TCEANC2: variants seen among roughly 807,000 people sequenced by gnomAD.
The protein encoded by TCEANC2 is transcription elongation factor A N-terminal and central domain-containing protein 2.
A neutral mutation model predicts 22.8 loss-of-function variants in TCEANC2; 20 were observed. The observed-to-expected ratio is 0.88, with a 90% CI of 0.62 to 1.28. TCEANC2 has a LOEUF of 1.28. TCEANC2 is among the 50% of genes most tolerant of loss of function. The probability of loss-of-function intolerance (pLI) is 0.00; values close to 1 mark genes in which losing one functional copy is unlikely to be tolerated. For missense variants in TCEANC2, 251 were observed against 249.7 expected (o/e 1.01, Z -0.03); for synonymous variants, 84 against 95.5 (o/e 0.88, Z 0.70).
rs899685836 is a variant in TCEANC2, at chr1:54,099,409, C to G, written c.*2936C>G. The G allele has an allele frequency of 6.6e-6, 1 of 152,166 alleles. No homozygotes were observed. The allele number at this position is 152,166 out of a possible 1,614,324, so 9.4% of individuals were successfully genotyped here. ...TGCAGACATCCCTCCCAATCTTGCC[C>G]ACACACTGAGAAGTAACTCGGAGCT... On this transcript the variant is annotated 3_prime_UTR_variant, in exon 5 of 5. Coordinates refer to ENST00000234827, the MANE Select transcript of TCEANC2 (RefSeq NM_153035.3).
intron 4 of TCEANC2, among the ~76,000 whole-genome samples, chr1:54,089,272 G>C (rs143585195): frequency 3.7e-4 from 56 of 152,266 alleles, no homozygotes; most frequent in African/African-American, 1.3e-3. Flanking sequence ...TCTTGCTGAA[G>C]TAAAAATTCT....
chr1:54,085,574 T>G (rs1336911510), intron 3 of TCEANC2, among the ~76,000 whole-genome samples: 2 of 152,206 alleles, frequency 1.3e-5, no homozygotes, highest in African/African-American at 4.8e-5. Context: ...ATCTTAGATC[T>G]TAGATATGAG....
intron 3 of TCEANC2, among the ~76,000 whole-genome samples, chr1:54,085,098 T>C (rs1384356539): frequency 6.6e-6 from 1 of 152,210 alleles, no homozygotes; most frequent in Non-Finnish European, 1.5e-5. Flanking sequence ...ATAGAAAGGC[T>C]AGGTACAAAT....
chr1:54,094,201 C>G (rs1364792664), intron 4 of TCEANC2, among the ~76,000 whole-genome samples: 1 of 152,190 alleles, frequency 6.6e-6, no homozygotes, highest in Non-Finnish European at 1.5e-5. Flanking sequence ...TTCACTCTCT[C>G]TCTCTTTCTT....
downstream of TCEANC2, among the ~76,000 whole-genome samples, chr1:54,110,515 G>A (rs551055793): frequency 1.3e-5 from 2 of 152,030 alleles, no homozygotes; most frequent in African/African-American, 4.8e-5. Context: ...GAAGTGGGAG[G>A]ATTGCCTGAG....
intron 3 of TCEANC2, among the ~76,000 whole-genome samples, chr1:54,081,837 C>T (rs1453434945): frequency 6.6e-6 from 1 of 152,182 alleles, no homozygotes; most frequent in Non-Finnish European, 1.5e-5. Flanking sequence ...GAGGGATGTA[C>T]TGCCCCCTGC....
At chr1:54,067,370 A>G (rs1040345125) in intron 2 of TCEANC2, among the ~76,000 whole-genome samples, 1 of 152,184 alleles carries the variant, frequency 6.6e-6, no homozygotes, top group Admixed American at 6.5e-5. Flanking sequence ...GGACTTGTGG[A>G]TGGCTGGCAG....
intron 4 of TCEANC2, among the ~76,000 whole-genome samples, chr1:54,090,639 T>C (rs1307016805): frequency 1.3e-5 from 2 of 152,196 alleles, no homozygotes; most frequent in African/African-American, 4.8e-5. Context: ...TCACTTAACT[T>C]TTCCTAAAGG....
intron 2 of TCEANC2, among the ~76,000 whole-genome samples, chr1:54,056,333 G>T (rs895089676): frequency 5.4e-5 from 8 of 149,384 alleles, no homozygotes; most frequent in African/African-American, 2.0e-4. Context: ...TTTTGAGACG[G>T]AGTTTTGCAC....
chr1:54,081,765 G>A (rs576049599), intron 3 of TCEANC2, among the ~76,000 whole-genome samples: 1 of 152,106 alleles, frequency 6.6e-6, no homozygotes, highest in African/African-American at 2.4e-5. Flanking sequence ...TCCTGGGCTG[G>A]TTTGGCTGGT....
At chr1:54,094,719 G>A (rs1016006706) in intron 4 of TCEANC2, among the ~76,000 whole-genome samples, 2 of 152,232 alleles carry the variant, frequency 1.3e-5, no homozygotes, top group African/African-American at 4.8e-5. Context: ...GGCACATAGT[G>A]CTGAATAAAT....
intron 4 of TCEANC2, among the ~76,000 whole-genome samples, chr1:54,094,266 A>C (rs183315655): frequency 1.3e-5 from 2 of 151,998 alleles, no homozygotes; most frequent in African/African-American, 4.8e-5. Context: ...TATATCTGAC[A>C]AGTTTGTTTT....
chr1:54,087,097 ATC>A (rs1385386041), intron 3 of TCEANC2, among the ~76,000 whole-genome samples: 1 of 152,224 alleles, frequency 6.6e-6, no homozygotes. Flanking sequence ...TTAAAAATAT[ATC>A]TGTCTTATAT....
chr1:54,073,097 C>T (rs921473342), intron 3 of TCEANC2, among the ~76,000 whole-genome samples: 4 of 152,124 alleles, frequency 2.6e-5, no homozygotes, highest in African/African-American at 9.7e-5. Flanking sequence ...TTCCGAGTAG[C>T]TGGGACTACA....
intron 3 of TCEANC2, among the ~76,000 whole-genome samples, chr1:54,080,151 T>TC (rs1203448301): frequency 6.6e-6 from 1 of 150,940 alleles, no homozygotes; most frequent in Admixed American, 6.6e-5. Context: ...TCTTTCTTTT[T>TC]TTTTTTTTTT....
chr1:54,069,646 C>G (rs772039323), intron 3 of TCEANC2, among the ~76,000 whole-genome samples: 1 of 150,114 alleles, frequency 6.7e-6, no homozygotes, highest in Non-Finnish European at 1.5e-5. Flanking sequence ...GTAGAGGAGA[C>G]GAGCATATAG....
intron 2 of TCEANC2, among the ~76,000 whole-genome samples, chr1:54,062,767 C>T (rs934379406): frequency 6.6e-6 from 1 of 152,132 alleles, no homozygotes; most frequent in Admixed American, 6.5e-5. Context: ...GAAAGAACAT[C>T]CCAGGCAAAG....
chr1:54,089,305 A>G (rs1658398449), intron 4 of TCEANC2, among the ~76,000 whole-genome samples: 1 of 152,224 alleles, frequency 6.6e-6, no homozygotes, highest in South Asian at 2.1e-4. Flanking sequence ...GTTATGGAAT[A>G]TCAATGGTAA....
intron 4 of TCEANC2, among the ~76,000 whole-genome samples, chr1:54,090,932 G>A (rs993740041): frequency 1.4e-4 from 21 of 152,164 alleles, no homozygotes; most frequent in Middle Eastern, 6.8e-3. Context: ...TAAACTCCAC[G>A]ATAATTATCC....
Sources: gnomAD v4.1 joint callset for allele counts (sites outside exome capture counted in the v4.1 genomes callset) on GRCh38, gnomAD v4.1.1 for gene constraint, MANE v1.5 for transcripts, NCBI Gene and HGNC (gene_info 2026-07-23, HGNC 2026-07-21) for gene names.